Variants in COL5A1 observed in about 807,000 individuals in gnomAD.
COL5A1 encodes collagen type V alpha 1 chain.
COL5A1 carries 16 observed loss-of-function variants against 263.7 expected under a neutral mutation model. That is an observed-to-expected ratio of 0.06 (90% CI 0.04 to 0.09). The LOEUF (loss-of-function observed/expected upper bound fraction) is 0.09. Among genes scored for constraint, COL5A1 ranks in the 10% least tolerant of loss-of-function variants. The probability of loss-of-function intolerance (pLI) is 1.00; values close to 1 mark genes in which losing one functional copy is unlikely to be tolerated. For synonymous variants in COL5A1, 1,012 were observed against 1,004.5 expected (o/e 1.01, Z -0.14); for missense variants, 2,036 against 2,540.5 (o/e 0.80, Z 4.27).
Position 134,836,222 on chromosome 9 carries a change from G to GTCCAGTGATGGCCCCAGGCTGCT in COL5A1, c.5370+1025_5370+1047dup, listed in dbSNP as rs371469227. On this transcript the variant is annotated intron_variant, in intron 65 of 65. Transcript: ENST00000371817. ...ATCGTTGTGTGGTGCCAGCATCTGC[G>GTCCAGTGATGGCCCCAGGCTGCT]TCCAGTGATGGCCCCAGGCTGCTTC... is the stretch of plus-strand genomic sequence containing the variant. 3.5e-3 allele frequency among the ~76,000 whole-genome samples: 531 copies of GTCCAGTGATGGCCCCAGGCTGCT among 152,316 alleles called. 2 individuals are homozygous for GTCCAGTGATGGCCCCAGGCTGCT. Among genetic ancestry groups the GTCCAGTGATGGCCCCAGGCTGCT allele is most frequent in the African/African-American group, 0.012 (497 of 41,564 alleles).
chr9:134,704,227 G>A (rs1833768361), intron 4 of COL5A1, among the ~76,000 whole-genome samples: 1 of 152,052 alleles, frequency 6.6e-6, no homozygotes, highest in Non-Finnish European at 1.5e-5. Flanking sequence ...TGAGATCTTC[G>A]GTGAGTTGTC....
Position 134,825,488 on chromosome 9 carries a change from CCT to C in COL5A1, c.4955-299_4955-298del, listed in dbSNP as rs555640593. On this transcript the variant is annotated intron_variant, in intron 62 of 65. Transcript: ENST00000371817. ...GAATTTCCAGAGTTCCTTCCAGAAC[CCT>C]CTCTGCATTTCTGTCCACCCAGAGA... Among the ~76,000 whole-genome samples, 9 of 152,244 alleles carry C rather than the reference CCT, an allele frequency of 5.9e-5. No homozygotes were observed. The South Asian group carries it at 1.9e-3, about 32-fold the overall frequency.
rs543791717 is a variant in COL5A1, at chr9:134,696,939, C to A, written c.278-2970C>A. Among the ~76,000 whole-genome samples, 387 of 152,080 alleles carry A rather than the reference C, an allele frequency of 2.5e-3. 1 individual carries two copies. The highest frequency in any genetic ancestry group is 0.012 in the Admixed American group (177 of 15,280). ...CAAAAAAATTAGCCAGGCTTGGTGG[C>A]GGGTGCCTGTAGTCCCAGCTACTCG... On this transcript the variant is annotated intron_variant, in intron 2 of 65. Coordinates refer to ENST00000371817, the MANE Select transcript of COL5A1 (RefSeq NM_000093.5). This position sits in a 1 kb window ranked among gnomAD's most constrained non-coding sequence, Gnocchi z 4.3.
intron 1 of COL5A1, among the ~76,000 whole-genome samples, chr9:134,689,446 C>G (rs903149610): frequency 6.6e-6 from 1 of 152,178 alleles, no homozygotes; most frequent in African/African-American, 2.4e-5. Context: ...GGATCTAACT[C>G]CAATTGGCAT....
In COL5A1 at chr9:134,730,440, C is replaced by T; in HGVS notation, c.1129C>T (p.Pro377Ser). 6.2e-7 allele frequency: 1 copy of T among 1,614,104 alleles called. No individual in the cohort carries two copies. Reference protein sequence around the residue: ...PTDPGAGAEIPTSTADTSNSS... With the variant: ...PTDPGAGAEISTSTADTSNSS... ...AGACCCAGGCGCTGGGGCCGAAATTCCCACCAGCACCGCCGACACCTCCAA... is the reference window on the plus strand; with the variant it reads ...AGACCCAGGCGCTGGGGCCGAAATTTCCACCAGCACCGCCGACACCTCCAA... Residue 377 changes from proline to serine, a missense_variant, in exon 7 of 66, where the codon CCC (proline) becomes TCC (serine). Physicochemically the swap from Pro to Ser is moderately conservative, Grantham distance 74. Coordinates refer to ENST00000371817, the MANE Select transcript of COL5A1 (RefSeq NM_000093.5).
At position 134,682,648 on chromosome 9, in the gene COL5A1, A is replaced by C. The variant is rs1832896137; in HGVS notation, c.110-8264A>C. Among the ~76,000 whole-genome samples, 1 of 152,180 alleles carries C rather than the reference A, an allele frequency of 6.6e-6. No homozygotes were observed. ...GAACTGAGGGGCACTCCTTGACTGG[A>C]AAGTAACAGTGGGCACTGCTCCGGC... On this transcript the variant is annotated intron_variant, in intron 1 of 65. Transcript: ENST00000371817. The surrounding 1 kb of genome is among the most constrained non-coding windows in gnomAD (Gnocchi z 5.1).
chr9:134,842,143 TC>T lies in COL5A1; in HGVS notation c.5371-11del. On this transcript the variant is annotated splice_polypyrimidine_tract_variant and intron_variant, in intron 65 of 65. Coordinates refer to ENST00000371817, the MANE Select transcript of COL5A1 (RefSeq NM_000093.5). This position sits in a 1 kb window ranked among gnomAD's most constrained non-coding sequence, Gnocchi z 5.8. The stretch of plus-strand genomic sequence containing the variant: ...TGTTCTTAACCACCGGCCATCTGTC[TC>T]CCTCTTCCCCAGACCAAGAAAGGCT... 6.2e-7 allele frequency: 1 copy of T among 1,613,992 alleles called. No homozygotes were observed.
chr9:134,663,105 G>A (rs1046173567), intron 1 of COL5A1, among the ~76,000 whole-genome samples: 8 of 152,244 alleles, frequency 5.3e-5, no homozygotes, highest in African/African-American at 1.9e-4. Flanking sequence ...AATGAAGTTC[G>A]ACGTTTCCTG....
intron 1 of COL5A1, among the ~76,000 whole-genome samples, chr9:134,663,601 A>G (rs1303577998): frequency 6.6e-6 from 1 of 152,282 alleles, no homozygotes; most frequent in South Asian, 2.1e-4. Flanking sequence ...ACCAAAAAGT[A>G]TAAAGAAGAA....
At chr9:134,727,228 T>C in intron 4 of COL5A1, 38 bp from the exon 5 acceptor site, 4 of 1,611,666 alleles carry the variant, frequency 2.5e-6, no homozygotes, top group Non-Finnish European at 2.5e-6. Context: ...GCGAGTGCTC[T>C]GTGAGCTGCT....
intron 11 of COL5A1, among the ~76,000 whole-genome samples, chr9:134,739,469 C>T (rs1835223266): frequency 6.6e-6 from 1 of 152,156 alleles, no homozygotes; most frequent in South Asian, 2.1e-4. Flanking sequence ...GGGCTGCGTG[C>T]GGGTGTTCGC....
chr9:134,642,038 C>G lies in COL5A1; in HGVS notation c.-150C>G, dbSNP rs1831305063. 1 of 674,568 alleles carries G rather than the reference C, an allele frequency of 1.5e-6. No individual in the cohort carries two copies. Among genetic ancestry groups the G allele is most frequent in the Non-Finnish European group, 2.1e-6 (1 of 479,320 alleles). 41.8% of individuals were successfully genotyped at this position (674,568 alleles called of 1,614,324 possible). A position where few individuals can be genotyped will look rare whatever the true frequency, so the allele number is the denominator to read the frequency against. ...GCCCCTTCCAGAACAGCCGCCGCCA[C>G]AAAGAAGAACGGGGGGTGCCGAGGT... On this transcript the variant is annotated 5_prime_UTR_variant, in exon 1 of 66. Coordinates refer to ENST00000371817, the MANE Select transcript of COL5A1 (RefSeq NM_000093.5). The surrounding 1 kb of genome is among the most constrained non-coding windows in gnomAD (Gnocchi z 4.5).
Position 134,680,492 on chromosome 9 carries a change from A to G in COL5A1, c.110-10420A>G, listed in dbSNP as rs1832820801. Reference sequence around the variant, plus strand: ...TCCTCCATGACCCATGGCTGAGGACACCAACCTGGTCCCCGCTGTGGAGGG... The same window carrying G: ...TCCTCCATGACCCATGGCTGAGGACGCCAACCTGGTCCCCGCTGTGGAGGG... On this transcript the variant is annotated intron_variant, in intron 1 of 65. Transcript: ENST00000371817. This position sits in a 1 kb window ranked among gnomAD's most constrained non-coding sequence, Gnocchi z 5.9. Among the ~76,000 whole-genome samples the G allele has an allele frequency of 6.6e-6, 1 of 152,172 alleles. No individual in the cohort carries two copies. The highest frequency in any genetic ancestry group is 1.5e-5 in the Non-Finnish European group (1 of 68,028).
chr9:134,690,597 G>A (rs954774640), intron 1 of COL5A1, among the ~76,000 whole-genome samples: 7 of 152,192 alleles, frequency 4.6e-5, no homozygotes, highest in Non-Finnish European at 8.8e-5. Flanking sequence ...GAAGGAGGGC[G>A]TCGTCAGAGC....
intron 4 of COL5A1, among the ~76,000 whole-genome samples, chr9:134,724,414 G>A (rs1443074456): frequency 6.6e-6 from 1 of 152,212 alleles, no homozygotes; most frequent in Non-Finnish European, 1.5e-5. Context: ...GCTGGCATGT[G>A]GGCCGGGCCT....
intron 64 of COL5A1, among the ~76,000 whole-genome samples, chr9:134,834,587 A>T (rs771988971): frequency 2.8e-4 from 42 of 152,338 alleles, no homozygotes; most frequent in Non-Finnish European, 5.4e-4. Context: ...CTCTGAACTT[A>T]TAGTCTGCTA....
At chr9:134,796,954 A>C (rs3827852) in intron 36 of COL5A1, 53 bp downstream of exon 36, 17 of 258,446 alleles carry the variant, frequency 6.6e-5, no homozygotes, top group South Asian at 6.3e-5. Flanking sequence ...TCCAAAACCC[A>C]CCTGTCCCCT....
intron 26 of COL5A1, 140 bp from the exon 27 acceptor site, chr9:134,774,719 G>T: frequency 1.2e-6 from 1 of 823,210 alleles, no homozygotes; most frequent in Admixed American, 2.0e-5. Context: ...CTCCCACGGG[G>T]GGCCTCTCTG....
In COL5A1 at chr9:134,765,592, G is replaced by A. The variant is rs1001335702; in HGVS notation, c.2035-89G>A. ...TGAGTCACCAGCTGGGGTTCTGGGT[G>A]GAGTCAGGGCCAAGTGGGCATAGGG... On this transcript the variant is annotated intron_variant, in intron 20 of 65. Transcript: ENST00000371817. The surrounding 1 kb of genome is among the most constrained non-coding windows in gnomAD (Gnocchi z 5.1). 2.5e-6 allele frequency: 3 copies of A among 1,187,890 alleles called. No homozygotes were observed. The highest frequency in any genetic ancestry group is 1.7e-5 in the Admixed American group (1 of 58,104). The allele number at this position is 1,187,890 out of a possible 1,614,324, so 73.6% of individuals were successfully genotyped here. A position where few individuals can be genotyped will look rare whatever the true frequency, so the allele number is the denominator to read the frequency against.
Sources: gnomAD v4.1 joint callset for allele counts (sites outside exome capture counted in the v4.1 genomes callset) on GRCh38, gnomAD v4.1.1 for gene constraint, Gnocchi (gnomAD v3.1) non-coding constraint, MANE v1.5 for transcripts, NCBI Gene and HGNC (gene_info 2026-07-23, HGNC 2026-07-21) for gene names.